Variants in RASSF8 observed in about 807,000 individuals in gnomAD.
The protein encoded by RASSF8 is ras association domain-containing protein 8.
In RASSF8, 22 loss-of-function variants were observed where a neutral mutation model predicts 48.5. That is an observed-to-expected ratio of 0.45 (90% CI 0.32 to 0.65). The LOEUF (loss-of-function observed/expected upper bound fraction) is 0.65, where lower values mean the gene tolerates loss of function less well. Ranked by LOEUF, RASSF8 falls within the 30% of genes least tolerant of loss-of-function variation. RASSF8 has a pLI of 0.03. For synonymous variants in RASSF8, 127 were observed against 171.5 expected (o/e 0.74, Z 2.03); for missense variants, 418 against 489.2 (o/e 0.85, Z 1.37).
intron 2 of RASSF8, among the ~76,000 whole-genome samples, chr12:26,051,622 T>C (rs77577685): frequency 6.6e-6 from 1 of 152,188 alleles, no homozygotes; most frequent in Non-Finnish European, 1.5e-5. Context: ...CTACAAAATA[T>C]TGTACTCCCA....
chr12:26,009,496 A>T (rs2729662), intron 2 of RASSF8, among the ~76,000 whole-genome samples: 1 of 152,236 alleles, frequency 6.6e-6, no homozygotes, highest in Non-Finnish European at 1.5e-5. Context: ...CCCACATAAC[A>T]ACTTCCAAAT....
At chr12:26,064,400 C>A in intron 3 of RASSF8, 98 bp from the exon 4 acceptor site, 1 of 1,226,364 alleles carries the variant, frequency 8.2e-7, no homozygotes, top group Non-Finnish European at 1.1e-6. Flanking sequence ...CCCTCTGATG[C>A]TAATCGAAAA....
chr12:26,067,610 G>A lies in RASSF8; in HGVS notation c.1035G>A (p.Arg345=), dbSNP rs1410030317. 1.2e-6 allele frequency: 2 copies of A among 1,613,908 alleles called. No homozygotes were observed. The highest frequency in any genetic ancestry group is 1.7e-6 in the Non-Finnish European group (2 of 1,179,834). Reference sequence around the variant, plus strand: ...TGGAGCAGTTGACTAAGGAGTTGCGGCAAGTCAATCTCCAGCAGTTCATCC... The same window carrying A: ...TGGAGCAGTTGACTAAGGAGTTGCGACAAGTCAATCTCCAGCAGTTCATCC... ...QELEQLTKEL[R]QVNLQQFIQQ... is the part of the protein sequence containing the mutation. Residue 345 remains arginine (R), a synonymous_variant, in exon 5 of 6, where the codon CGG becomes CGA. Transcript: ENST00000689635.
chr12:25,966,626 T>A (rs1246787971), intron 1 of RASSF8, among the ~76,000 whole-genome samples: 1 of 152,236 alleles, frequency 6.6e-6, no homozygotes, highest in African/African-American at 2.4e-5. Context: ...TTGCTGATGT[T>A]TTTATTGGGT....
intron 2 of RASSF8, among the ~76,000 whole-genome samples, chr12:26,033,076 C>T (rs1179784411): frequency 6.6e-6 from 1 of 152,174 alleles, no homozygotes; most frequent in African/African-American, 2.4e-5. Flanking sequence ...CTTCAACTAT[C>T]CTTGAAATGT....
intron 1 of RASSF8, among the ~76,000 whole-genome samples, chr12:25,964,289 GTT>G (rs201799456): frequency 1.4e-4 from 19 of 139,026 alleles, no homozygotes; most frequent in African/African-American, 3.4e-4. Context: ...CTTAGCAAGT[GTT>G]TTTTTTTTTT....
rs758560310 is a variant in RASSF8, at chr12:25,988,018, A to ATT, written c.-202-7004_-202-7003dup. On this transcript the variant is annotated intron_variant, in intron 1 of 5. Transcript: ENST00000689635. ...AGGCATGCACTACCATGCCTGGCTAATTTTTTTTTTTTTTTTGTACTTTTA... is the reference window on the plus strand; with the variant it reads ...AGGCATGCACTACCATGCCTGGCTAATTTTTTTTTTTTTTTTTTGTACTTTTA... 3.0e-3 allele frequency among the ~76,000 whole-genome samples: 410 copies of ATT among 137,902 alleles called. 2 individuals carry two copies. Among genetic ancestry groups the ATT allele is most frequent in the African/African-American group, 0.01 (386 of 37,360 alleles). The allele number at this position is 137,902 out of a possible 152,430, so 90.5% of individuals were successfully genotyped here. A position where few individuals can be genotyped will look rare whatever the true frequency, so the allele number is the denominator to read the frequency against.
At chr12:26,059,816 C>T (rs374547262) in intron 3 of RASSF8, among the ~76,000 whole-genome samples, 26 of 152,280 alleles carry the variant, frequency 1.7e-4, no homozygotes, top group African/African-American at 6.0e-4. Context: ...CTCCCAAAAT[C>T]TTCTGGTTTG....
At chr12:26,012,652 G>A (rs11048376) in intron 2 of RASSF8, among the ~76,000 whole-genome samples, 29,564 of 149,514 alleles carry the variant, frequency 0.2, 3,282 homozygotes, top group East Asian at 0.39. Flanking sequence ...TTTTCTGGGC[G>A]TGATGTTCCT....
intron 3 of RASSF8, among the ~76,000 whole-genome samples, chr12:26,056,761 C>T (rs887237440): frequency 4.6e-5 from 7 of 152,158 alleles, no homozygotes; most frequent in Non-Finnish European, 8.8e-5. Flanking sequence ...CTTTCACATC[C>T]GGTGAAACTC....
intron 1 of RASSF8, among the ~76,000 whole-genome samples, chr12:25,977,670 G>GC (rs1941639298): frequency 7.5e-6 from 1 of 133,972 alleles, no homozygotes; most frequent in Non-Finnish European, 1.6e-5. Context: ...TATTTGTAAG[G>GC]CAAAAAAAAA....
chr12:26,059,523 G>GT (rs1385718267), intron 3 of RASSF8, among the ~76,000 whole-genome samples: 1 of 152,012 alleles, frequency 6.6e-6, no homozygotes, highest in African/African-American at 2.4e-5. Flanking sequence ...AATAAACAAT[G>GT]TTTTTTGTGT....
At chr12:25,961,697 T>C (rs761211506) in intron 1 of RASSF8, among the ~76,000 whole-genome samples, 1 of 152,122 alleles carries the variant, frequency 6.6e-6, no homozygotes, top group Non-Finnish European at 1.5e-5. Context: ...ATCTAATATA[T>C]ATTAGATGTG....
chr12:26,068,378 T>G (rs1383197607), intron 5 of RASSF8, among the ~76,000 whole-genome samples: 1 of 152,192 alleles, frequency 6.6e-6, no homozygotes, highest in Non-Finnish European at 1.5e-5. Context: ...CTTTTTCTTC[T>G]AAAAGTTATT....
rs187684758 is a variant in RASSF8 at position 26,024,826 on chromosome 12, G to A, written c.-109+29696G>A. Among the ~76,000 whole-genome samples the A allele has an allele frequency of 9.8e-4, 149 of 151,450 alleles. No homozygotes were observed. The East Asian group carries it at 0.015, about 15-fold the overall frequency. The stretch of plus-strand genomic sequence containing the variant: ...CAAAAAATTAGCCGGGCGTGGTGGC[G>A]GGCGCCTGTAGCCCCAGCTACTTGG... On this transcript the variant is annotated intron_variant, in intron 2 of 5. Coordinates refer to ENST00000689635, the MANE Select transcript of RASSF8 (RefSeq NM_001394098.1).
At chr12:25,993,598 G>T (rs565603853) in intron 1 of RASSF8, among the ~76,000 whole-genome samples, 15 of 152,274 alleles carry the variant, frequency 9.9e-5, no homozygotes, top group Admixed American at 2.6e-4. Flanking sequence ...TTTTCAATTT[G>T]CTATCCAGTC....
intron 2 of RASSF8, among the ~76,000 whole-genome samples, chr12:26,030,940 CTTTA>C (rs1434944088): frequency 6.6e-6 from 1 of 152,078 alleles, no homozygotes; most frequent in South Asian, 2.1e-4. Flanking sequence ...TTCAATTCAA[CTTTA>C]TTTACAAACC....
Position 26,064,768 on chromosome 12 carries a change from C to T in RASSF8, c.374C>T (p.Pro125Leu), listed in dbSNP as rs921802664. 1.5e-5 allele frequency: 25 copies of T among 1,613,920 alleles called. No homozygotes were observed. In the East Asian group the frequency reaches 3.8e-4, roughly 24 times the overall value. The change falls in exon 4 of 6, where the codon CCG (proline) becomes CTG (leucine). Residue 125 changes from proline to leucine, a missense_variant. By Grantham distance (98) the Pro-to-Leu change is moderately conservative (BLOSUM62 -3). Coordinates refer to ENST00000689635, the MANE Select transcript of RASSF8 (RefSeq NM_001394098.1). ...QIDKSIKRREPKRKSLTFTGG... is the reference protein window; with the variant it reads ...QIDKSIKRRELKRKSLTFTGG... Reference sequence around the variant, plus strand: ...GACAAATCAATCAAAAGGAGGGAACCGAAAAGGAAATCACTGACATTTACA... The same window carrying T: ...GACAAATCAATCAAAAGGAGGGAACTGAAAAGGAAATCACTGACATTTACA...
At chr12:26,063,654 C>T (rs571313266) in intron 3 of RASSF8, among the ~76,000 whole-genome samples, 2 of 152,174 alleles carry the variant, frequency 1.3e-5, no homozygotes, top group African/African-American at 4.8e-5. Context: ...CCCACCTTTG[C>T]CTCCCAAAAT....
Sources: allele counts gnomAD v4.1 joint callset (sites outside exome capture counted in the v4.1 genomes callset), GRCh38; gene constraint gnomAD v4.1.1; transcripts MANE v1.5; gene names NCBI Gene and HGNC (gene_info 2026-07-23, HGNC 2026-07-21).